WAC: variants seen among roughly 807,000 people sequenced by gnomAD.
The protein encoded by WAC is WW domain containing adaptor with coiled-coil, also known as WW domain-containing adapter protein with coiled-coil.
WAC carries 11 observed loss-of-function variants against 79.6 expected under a neutral mutation model. The ratio of observed to expected loss-of-function variants is 0.14; its 90% confidence interval spans 0.09 to 0.23. The LOEUF is 0.23. Among genes scored for constraint, WAC ranks in the 10% least tolerant of loss-of-function variants. WAC has a pLI of 1.00. For synonymous variants in WAC, 304 were observed against 276.9 expected, an observed-to-expected ratio of 1.10 and a Z score of -0.97; for missense variants, 728 against 773.5, an observed-to-expected ratio of 0.94 and a Z score of 0.70.
At chr10:28,542,115 TC>T (rs1420897309) in intron 3 of WAC, among the ~76,000 whole-genome samples, 1 of 152,206 alleles carries the variant, frequency 6.6e-6, no homozygotes, top group Admixed American at 6.5e-5. Flanking sequence ...AGAAGTTTGT[TC>T]CTGTCTCAGG....
intron 3 of WAC, among the ~76,000 whole-genome samples, chr10:28,547,720 C>T (rs946697970): frequency 6.6e-6 from 1 of 151,486 alleles, no homozygotes; most frequent in African/African-American, 2.4e-5. Context: ...GGTTCTTTTT[C>T]ATGGATAGAT....
At chr10:28,582,248 C>G (rs912519407) in intron 3 of WAC, among the ~76,000 whole-genome samples, 1 of 152,180 alleles carries the variant, frequency 6.6e-6, no homozygotes, top group Non-Finnish European at 1.5e-5. Flanking sequence ...AGTTAGTCAC[C>G]TCTCCTACCT....
At chr10:28,535,384 C>G in intron 2 of WAC, 178 bp from the exon 3 acceptor site, 2 of 627,634 alleles carry the variant, frequency 3.2e-6, no homozygotes, top group South Asian at 5.7e-5. Flanking sequence ...TATTGTAACG[C>G]TTAAGCATTA....
intron 3 of WAC, among the ~76,000 whole-genome samples, chr10:28,540,361 G>A (rs1456084623): frequency 6.6e-6 from 1 of 152,170 alleles, no homozygotes; most frequent in Non-Finnish European, 1.5e-5. Flanking sequence ...TTATTTGGTG[G>A]TGGTTACTAT....
intron 8 of WAC, among the ~76,000 whole-genome samples, chr10:28,609,867 A>G (rs1841141574): frequency 6.6e-6 from 1 of 152,148 alleles, no homozygotes; most frequent in Admixed American, 6.5e-5. Flanking sequence ...TGAAGAAATA[A>G]TAGTTAATGT....
chr10:28,588,895 TATA>T (rs1298881775), intron 4 of WAC: 2 of 152,176 alleles, frequency 1.3e-5, no homozygotes, highest in African/African-American at 4.8e-5. Flanking sequence ...TTTGACAAAA[TATA>T]ATCAATGTTA....
At chr10:28,591,682 C>G (rs941946579) in intron 6 of WAC, 1 of 152,018 alleles carries the variant, frequency 6.6e-6, no homozygotes. Context: ...TGCAACATGG[C>G]GAGACCCAGT....
chr10:28,549,157 CCA>C (rs1440742347), intron 3 of WAC, among the ~76,000 whole-genome samples: 8 of 141,706 alleles, frequency 5.6e-5, no homozygotes, highest in Non-Finnish European at 9.6e-5. Flanking sequence ...CTTCAGCCTC[CCA>C]AAGTGCTGGG....
At chr10:28,589,873 T>C (rs1840000519) in intron 5 of WAC, 22 bp downstream of exon 5, 1 of 1,510,952 alleles carries the variant, frequency 6.6e-7, no homozygotes, top group Non-Finnish European at 9.2e-7. Context: ...TTAATCTAAT[T>C]AAACATTATT....
chr10:28,533,218 A>AGCGGCG lies in WAC; in HGVS notation c.-354_-349dup, dbSNP rs896673497. 1 of 168,068 alleles carries AGCGGCG rather than the reference A, an allele frequency of 5.9e-6. No homozygotes were observed. The highest frequency in any genetic ancestry group is 1.2e-5 in the Non-Finnish European group (1 of 80,418). The allele number at this position is 168,068 out of a possible 1,614,324, so 10.4% of individuals were successfully genotyped here. On this transcript the variant is annotated 5_prime_UTR_variant, in exon 1 of 14. Transcript: ENST00000354911. ...AGAAGAAGGACCAGGCGGCGGCAGC[A>AGCGGCG]GCGGCGGCGGCGGGGGGAGGAGGGG...
chr10:28,587,137 A>G (rs1454720172), intron 4 of WAC, among the ~76,000 whole-genome samples: 17 of 151,078 alleles, frequency 1.1e-4, no homozygotes, highest in Admixed American at 1.1e-3. Context: ...AGTCTCATCA[A>G]TATCTACCAT....
rs940568132 is a variant in WAC at position 28,614,136 on chromosome 10, C to T, written c.1438-431C>T. 2.6e-5 allele frequency among the ~76,000 whole-genome samples: 4 copies of T among 151,584 alleles called. No homozygotes were observed. In the East Asian group the frequency reaches 7.7e-4, roughly 29 times the overall value. The stretch of plus-strand genomic sequence containing the variant: ...TTTTTTTTTTTTTGAGACGGAGTCT[C>T]GTTCTGTCGCCCAGGCGGGAGTGCT... On this transcript the variant is annotated intron_variant, in intron 10 of 13. Coordinates refer to ENST00000354911, the MANE Select transcript of WAC (RefSeq NM_016628.5).
At position 28,560,442 on chromosome 10, in the gene WAC, A is replaced by G. The variant is rs548071383; in HGVS notation, c.275-22957A>G. 9.2e-5 allele frequency among the ~76,000 whole-genome samples: 14 copies of G among 152,300 alleles called. No individual in the cohort carries two copies. In the South Asian group the frequency reaches 2.5e-3, roughly 27 times the overall value. On this transcript the variant is annotated intron_variant, in intron 3 of 13. Coordinates refer to ENST00000354911, the MANE Select transcript of WAC (RefSeq NM_016628.5). ...ATTGCTTATTGAGATGAGGAAGACT[A>G]TAGAGCAAAATGTTTGTGGTGTGAA...
At chr10:28,591,372 A>T (rs570228981) in intron 6 of WAC, 1 of 152,652 alleles carries the variant, frequency 6.6e-6, no homozygotes, top group African/African-American at 2.4e-5. Flanking sequence ...TAAAATGTCT[A>T]CTAGAAAACT....
At chr10:28,583,653 T>C (rs1014244684) in intron 4 of WAC, 148 bp downstream of exon 4, 2 of 530,928 alleles carry the variant, frequency 3.8e-6, no homozygotes, top group African/African-American at 2.0e-5. Flanking sequence ...TTATTTGATA[T>C]TATTATTATC....
intron 7 of WAC, among the ~76,000 whole-genome samples, chr10:28,603,961 G>GTATGTA (rs1554789573): frequency 5.3e-4 from 11 of 20,898 alleles, no homozygotes; most frequent in African/African-American, 4.2e-3. Flanking sequence ...ATGTATGTAT[G>GTATGTA]TATATATATA....
At position 28,535,578 on chromosome 10, in the gene WAC, C is replaced by T. The variant is rs958431018; in HGVS notation, c.95C>T (p.Ser32Leu). 3.7e-6 allele frequency: 6 copies of T among 1,609,286 alleles called. No homozygotes were observed. The highest frequency in any genetic ancestry group is 2.7e-5 in the African/African-American group (2 of 74,630). ...GTTTTACAGGCACTTAAGTATTCAT[C>T]GAAGAGTCACCCCAGTAGCGGTGAT... is the stretch of plus-strand genomic sequence containing the variant. ...SQPYQALKYS[S>L]KSHPSSGDHR... Residue 32 changes from serine to leucine, a missense_variant, in exon 3 of 14, where the codon TCG (serine) becomes TTG (leucine). Ser to Leu is a moderately radical substitution (Grantham distance 145). Coordinates refer to ENST00000354911, the MANE Select transcript of WAC (RefSeq NM_016628.5).
chr10:28,589,792 C>T lies in WAC; in HGVS notation c.438C>T (p.Tyr146=). ...ATATTAGCTCTTCTGGGAAAAAGTA[C>T]TACTACAATTGTCGAACAGAAGTTT... The part of the protein sequence containing the change: ...SEHISSSGKK[Y]YYNCRTEVSQ... Residue 146 remains tyrosine, a synonymous_variant, in exon 5 of 14, where the codon TAC becomes TAT. Transcript: ENST00000354911. The T allele has an allele frequency of 6.2e-7, 1 of 1,613,886 alleles. No homozygotes were observed. Among genetic ancestry groups the T allele is most frequent in the Non-Finnish European group, 8.5e-7 (1 of 1,179,886 alleles).
At chr10:28,618,301 A>G (rs529658891) in intron 13 of WAC, among the ~76,000 whole-genome samples, 5 of 152,348 alleles carry the variant, frequency 3.3e-5, no homozygotes, top group African/African-American at 7.2e-5. Flanking sequence ...TTTAATGCCT[A>G]TTACAGAATT....
Sources: gnomAD v4.1 joint callset for allele counts (sites outside exome capture counted in the v4.1 genomes callset) on GRCh38, gnomAD v4.1.1 for gene constraint, MANE v1.5 for transcripts, NCBI Gene and HGNC (gene_info 2026-07-23, HGNC 2026-07-21) for gene names.